The following PSG1 variants were observed in gnomAD, a reference collection of about 807,000 sequenced individuals.
The protein encoded by PSG1 is pregnancy specific beta-1-glycoprotein 1.
In PSG1, 60 loss-of-function variants were observed where a neutral mutation model predicts 41.4. The observed-to-expected ratio is 1.45, with a 90% CI of 1.18 to 1.80. The LOEUF (loss-of-function observed/expected upper bound fraction) is 1.80. Among genes scored for constraint, PSG1 ranks in the 40% most tolerant of loss-of-function variants. The pLI is 0.00. For synonymous variants in PSG1, 256 were observed against 192.9 expected (o/e 1.33, Z -2.71); for missense variants, 806 against 516.9 (o/e 1.56, Z -5.42).
Position 42,877,985 on chromosome 19 carries a change from A to G in PSG1, c.358T>C (p.Tyr120His), listed in dbSNP as rs112211698. 3.7e-5 allele frequency: 60 copies of G among 1,612,378 alleles called. No homozygotes were observed. In the African/African-American group the frequency reaches 6.3e-4, roughly 17 times the overall value. ...QNVTREDAGS[Y>H]TLHIIKGDDG... ...TCTCCCTTTATGATGTGTAAGGTGTAGGATCCTGCGTCCTCCCGGGTGACA... is the reference window on the plus strand; with the variant it reads ...TCTCCCTTTATGATGTGTAAGGTGTGGGATCCTGCGTCCTCCCGGGTGACA... The change falls in exon 2 of 6, where the codon TAC (tyrosine) becomes CAC (histidine). Residue 120 changes from tyrosine (Y) to histidine (H), a missense_variant. Tyr to His is a moderately conservative substitution (Grantham distance 83, BLOSUM62 2). Coordinates refer to ENST00000436291, the MANE Select transcript of PSG1 (RefSeq NM_001184825.2).
chr19:42,877,830 A>T lies in PSG1; in HGVS notation c.430+83T>A, dbSNP rs1380621300. 4.4e-6 allele frequency: 7 copies of T among 1,606,254 alleles called. 1 individual carries two copies. In the African/African-American group the frequency reaches 5.4e-5, roughly 12 times the overall value. On this transcript the variant is annotated intron_variant, in intron 2 of 5. Coordinates refer to ENST00000436291, the MANE Select transcript of PSG1 (RefSeq NM_001184825.2). Reference sequence around the variant, plus strand: ...ATAACGCAGTGAGTGACACAGGCAGAGTCCAGGCCTGACAATCCTGTGTGT... The same window carrying T: ...ATAACGCAGTGAGTGACACAGGCAGTGTCCAGGCCTGACAATCCTGTGTGT...
chr19:42,866,811 A>G lies in PSG1; in HGVS notation c.*323T>C. ...TTCTAATGACTGCATTATCCTGCCA[A>G]GTGAAAGAGGCAGGCATGAGCAAGG... On this transcript the variant is annotated 3_prime_UTR_variant, in exon 6 of 6. Coordinates refer to ENST00000436291, the MANE Select transcript of PSG1 (RefSeq NM_001184825.2). 2.8e-5 allele frequency: 16 copies of G among 580,156 alleles called. No homozygotes were observed. The South Asian group carries it at 3.3e-4, about 12-fold the overall frequency. The allele number at this position is 580,156 out of a possible 1,614,324, so 35.9% of individuals were successfully genotyped here.
chr19:42,867,224 A>G, intron 5 of PSG1, 74 bp from the exon 6 acceptor site: 1 of 760,376 alleles, frequency 1.3e-6, no homozygotes, highest in Non-Finnish European at 2.4e-6. Flanking sequence ...TACAGTTTTT[A>G]TTTTCCACAT....
chr19:42,872,831 A>G (rs993901968), intron 2 of PSG1, among the ~76,000 whole-genome samples: 1 of 151,830 alleles, frequency 6.6e-6, no homozygotes, highest in African/African-American at 2.4e-5. Flanking sequence ...ATCTTTCTAG[A>G]AATACATGTG....
Position 42,879,532 on chromosome 19 carries a change from C to A in PSG1, c.50G>T (p.Gly17Val), listed in dbSNP as rs1476746981. The A allele has an allele frequency of 6.2e-7, 1 of 1,610,572 alleles. No individual in the cohort carries two copies. The highest frequency in any genetic ancestry group is 2.2e-5 in the East Asian group (1 of 44,636). The change falls in exon 1 of 6, where the codon GGG (glycine) becomes GTG (valine). Residue 17 changes from glycine to valine, a missense_variant. Gly to Val is a moderately radical substitution (Grantham distance 109). Transcript: ENST00000436291. ...PPCTQRIKWK[G>V]LLLTASLLNF... Reference sequence around the variant, plus strand: ...TCTCTCCTCACCTGTGAGCAGGAGCCCCTTCCATTTGATGCGCTGTGTGCA... The same window carrying A: ...TCTCTCCTCACCTGTGAGCAGGAGCACCTTCCATTTGATGCGCTGTGTGCA...
rs1283271288 is a variant in PSG1, at chr19:42,868,778, G to A, written c.966C>T (p.Asp322=). The change falls in exon 4 of 6, where the codon GAC becomes GAT. Residue 322 remains aspartate (D), a synonymous_variant. Transcript: ENST00000436291. ...IRDRYGGIRS[D]PVTLNVLYGP... is the part of the protein sequence containing the mutation. ...CACAGAGGACATTCAGGGTGACTGG[G>A]TCACTGCGGATGCCACCATATCGGT... 9 of 1,611,968 alleles carry A rather than the reference G, an allele frequency of 5.6e-6. No individual in the cohort carries two copies. The Admixed American group carries it at 8.4e-5, about 15-fold the overall frequency.
intron 5 of PSG1, 121 bp from the exon 6 acceptor site, chr19:42,867,271 T>C (rs1600485045): frequency 1.4e-6 from 1 of 707,906 alleles, no homozygotes; most frequent in East Asian, 2.6e-5. Flanking sequence ...CTTTTACCAA[T>C]GATAATTTCA....
Position 42,868,274 on chromosome 19 carries a change from T to A in PSG1, c.1070A>T (p.Asp357Val), listed in dbSNP as rs1971222505. Residue 357 changes from aspartate to valine, a missense_variant, in exon 5 of 6, where the codon GAC becomes GTC. Asp to Val is a radical substitution (Grantham distance 152). Transcript: ENST00000436291. The stretch of plus-strand genomic sequence containing the variant: ...AGAATACTGTGCCGGTGGGTTAGAG[T>A]CCGCAGAACAGGACAAGTAGAGGAC... ...GEVLYLSCSA[D>V]SNPPAQYSWT... 1 of 1,611,764 alleles carries A rather than the reference T, an allele frequency of 6.2e-7. No individual in the cohort carries two copies. Among genetic ancestry groups the A allele is most frequent in the African/African-American group, 1.3e-5 (1 of 74,482 alleles).
intron 5 of PSG1, chr19:42,867,743 A>G (rs1971193004): frequency 1.1e-6 from 1 of 884,954 alleles, no homozygotes; most frequent in Admixed American, 1.9e-5. Context: ...GAACTGCTAT[A>G]AGCTGTAGAT....
intron 3 of PSG1, 66 bp downstream of exon 3, chr19:42,871,701 G>A (rs1239703957): frequency 1.2e-6 from 2 of 1,612,356 alleles, no homozygotes; most frequent in East Asian, 4.5e-5. Context: ...GGACAGAGAG[G>A]CCTGGCCTCT....
intron 3 of PSG1, chr19:42,870,036 T>C (rs900786917): frequency 1.1e-4 from 16 of 151,648 alleles, no homozygotes; most frequent in Non-Finnish European, 2.2e-4. Flanking sequence ...TGTAAGTGGA[T>C]TCCAGAGTGA....
chr19:42,867,194 C>T lies in PSG1; in HGVS notation c.1244-44G>A, dbSNP rs749951245. On this transcript the variant is annotated intron_variant, in intron 5 of 5. Coordinates refer to ENST00000436291, the MANE Select transcript of PSG1 (RefSeq NM_001184825.2). ...AACACAGAAACAATGAACAGAGCTG[C>T]AGTCTCATAACAGGTATACTACAGT... 6 of 765,094 alleles carry T rather than the reference C, an allele frequency of 7.8e-6. 1 individual carries two copies. The highest frequency in any genetic ancestry group is 1.4e-5 in the Non-Finnish European group (6 of 417,124). The allele number at this position is 765,094 out of a possible 1,614,324, so 47.4% of individuals were successfully genotyped here.
chr19:42,873,502 G>T lies in PSG1; in HGVS notation c.431-1457C>A, dbSNP rs564669888. Among the ~76,000 whole-genome samples, 28 of 151,780 alleles carry T rather than the reference G, an allele frequency of 1.8e-4. 2 individuals are homozygous for T. The South Asian group carries it at 5.9e-3, about 32-fold the overall frequency. Reference sequence around the variant, plus strand: ...TGACTCTAGTAACAAAAAAAATTTGGAGGAAACATTAAAATGTTTTCATAA... The same window carrying T: ...TGACTCTAGTAACAAAAAAAATTTGTAGGAAACATTAAAATGTTTTCATAA... On this transcript the variant is annotated intron_variant, in intron 2 of 5. Coordinates refer to ENST00000436291, the MANE Select transcript of PSG1 (RefSeq NM_001184825.2).
rs866095839 is a variant in PSG1 at position 42,872,026 on chromosome 19, G to C, written c.450C>G (p.Ser150=). The C allele has an allele frequency of 6.2e-7, 1 of 1,612,020 alleles. No homozygotes were observed. ...FTLHLETPKP[S]ISSSNLNPRE... The stretch of plus-strand genomic sequence containing the variant: ...TGGGATTTAAGTTGCTGCTGGAGAT[G>C]GAGGGCTTAGGAGTCTCCACTGTGC... The change falls in exon 3 of 6, where the codon TCC becomes TCG. Residue 150 remains serine, a synonymous_variant. Transcript: ENST00000436291.
chr19:42,868,002 G>C, intron 5 of PSG1, 99 bp downstream of exon 5: 1 of 1,608,372 alleles, frequency 6.2e-7, no homozygotes, highest in Non-Finnish European at 8.5e-7. Context: ...GTGCCCATGG[G>C]ACACAGGCTG....
intron 2 of PSG1, among the ~76,000 whole-genome samples, chr19:42,875,748 T>C (rs1437597010): frequency 1.3e-5 from 2 of 151,668 alleles, no homozygotes; most frequent in African/African-American, 4.8e-5. Context: ...TCCTCCTGTT[T>C]GGCAGACTTG....
Position 42,871,847 on chromosome 19 carries a change from T to A in PSG1, c.629A>T (p.Tyr210Phe). 2 of 1,612,562 alleles carry A rather than the reference T, an allele frequency of 1.2e-6. No individual in the cohort carries two copies. Among genetic ancestry groups the A allele is most frequent in the Non-Finnish European group, 8.5e-7 (1 of 1,179,248 alleles). ...TTCACATTCATAGGGTCCTGCAGTA[T>A]ACTTTGTGACACCCAATAGAAAGAG... ...RTLFLLGVTK[Y>F]TAGPYECEIR... Residue 210 changes from tyrosine to phenylalanine, a missense_variant, in exon 3 of 6, where the codon TAT becomes TTT. Coordinates refer to ENST00000436291, the MANE Select transcript of PSG1 (RefSeq NM_001184825.2).
At chr19:42,867,579 T>C (rs944627017) in intron 5 of PSG1, 3 of 655,436 alleles carry the variant, frequency 4.6e-6, no homozygotes, top group Non-Finnish European at 8.2e-6. Flanking sequence ...AAATGTGTCA[T>C]GTTACAAAGA....
chr19:42,872,179 A>T lies in PSG1; in HGVS notation c.431-134T>A, dbSNP rs2074850. 139 of 1,315,134 alleles carry T rather than the reference A, an allele frequency of 1.1e-4. 5 individuals carry two copies. The East Asian group carries it at 1.9e-3, about 18-fold the overall frequency. The allele number at this position is 1,315,134 out of a possible 1,614,324, so 81.5% of individuals were successfully genotyped here. A position where few individuals can be genotyped will look rare whatever the true frequency, so the allele number is the denominator to read the frequency against. On this transcript the variant is annotated intron_variant, in intron 2 of 5. Transcript: ENST00000436291. ...TAAAAGCCCATGGCAGGTGTGTGTGATACAAGACAGATGCATGGCAATCTG... is the reference window on the plus strand; with the variant it reads ...TAAAAGCCCATGGCAGGTGTGTGTGTTACAAGACAGATGCATGGCAATCTG...
Sources: allele counts gnomAD v4.1 joint callset (sites outside exome capture counted in the v4.1 genomes callset), GRCh38; gene constraint gnomAD v4.1.1; transcripts MANE v1.5; gene names NCBI Gene and HGNC (gene_info 2026-07-23, HGNC 2026-07-21).